Variants in LRIG1 observed in about 807,000 individuals in gnomAD.
LRIG1 encodes leucine-rich repeats and immunoglobulin-like domains protein 1.
In LRIG1, 48 loss-of-function variants were observed where a neutral mutation model predicts 99.2. The observed-to-expected ratio is 0.48, with a 90% CI of 0.38 to 0.62. The LOEUF (loss-of-function observed/expected upper bound fraction) is 0.62, where lower values mean the gene tolerates loss of function less well. Among genes scored for constraint, LRIG1 ranks in the 20% least tolerant of loss-of-function variants. The pLI is 0.00. For missense variants in LRIG1, 1,646 were observed against 1,434.4 expected (o/e 1.15, Z -2.38); for synonymous variants, 772 against 596.1 (o/e 1.29, Z -4.30).
chr3:66,410,257 G>A lies in LRIG1; in HGVS notation c.807C>T (p.Asn269=), dbSNP rs1368153513. ...AGCCGCTGTTCACTTCTACCAGGCT[G>A]TTGTACTCCAGGTGCCTGCAATGAC... ...SKMHVLHLEY[N]SLVEVNSGSL... is the part of the protein sequence containing the mutation. Residue 269 remains asparagine, a synonymous_variant, in exon 7 of 19, where the codon AAC becomes AAT. Transcript: ENST00000273261. 1.9e-6 allele frequency: 3 copies of A among 1,609,556 alleles called. No homozygotes were observed. Among genetic ancestry groups the A allele is most frequent in the Admixed American group, 1.7e-5 (1 of 59,274 alleles).
chr3:66,406,298 C>G (rs1702267009), intron 8 of LRIG1: 1 of 985,446 alleles, frequency 1.0e-6, no homozygotes, highest in Non-Finnish European at 1.2e-6. Context: ...GAACCAGGGA[C>G]CCGGGGCTGT....
intron 1 of LRIG1, among the ~76,000 whole-genome samples, chr3:66,490,709 T>C (rs1701083061): frequency 6.6e-6 from 1 of 152,120 alleles, no homozygotes; most frequent in Middle Eastern, 3.2e-3. Context: ...CTGTAAATGG[T>C]GTATAATCGG....
intron 6 of LRIG1, among the ~76,000 whole-genome samples, chr3:66,412,535 C>A (rs569385232): frequency 6.6e-6 from 1 of 152,210 alleles, no homozygotes; most frequent in African/African-American, 2.4e-5. Context: ...AGGTTTGGCC[C>A]GGTCCCCAAG....
chr3:66,394,613 T>C (rs1017435386), intron 11 of LRIG1, among the ~76,000 whole-genome samples: 3 of 152,136 alleles, frequency 2.0e-5, no homozygotes, highest in Non-Finnish European at 4.4e-5. Context: ...AACAGTGCTA[T>C]GCTGCCACCA....
chr3:66,497,016 C>T (rs1416527327), intron 1 of LRIG1, among the ~76,000 whole-genome samples: 1 of 152,216 alleles, frequency 6.6e-6, no homozygotes, highest in African/African-American at 2.4e-5. Flanking sequence ...GCTAACTGAT[C>T]TGGTATTGCA....
At chr3:66,460,505 T>C (rs537426439) in intron 2 of LRIG1, among the ~76,000 whole-genome samples, 2 of 152,190 alleles carry the variant, frequency 1.3e-5, no homozygotes, top group South Asian at 2.1e-4. Context: ...TGGGCCCTGA[T>C]CCAATATGAC....
intron 3 of LRIG1, among the ~76,000 whole-genome samples, chr3:66,444,746 G>A (rs1248309842): frequency 8.5e-5 from 13 of 152,168 alleles, no homozygotes. Context: ...CATCTCCCAA[G>A]GGAAAGGGCA....
At chr3:66,384,358 T>C in intron 13 of LRIG1, 86 bp from the exon 14 acceptor site, 1 of 1,385,610 alleles carries the variant, frequency 7.2e-7, no homozygotes, top group South Asian at 1.3e-5. Flanking sequence ...TACCTGTCAC[T>C]GTGCCCAGTG....
At chr3:66,437,966 T>C (rs1288526618) in intron 3 of LRIG1, among the ~76,000 whole-genome samples, 2 of 152,134 alleles carry the variant, frequency 1.3e-5, no homozygotes, top group African/African-American at 4.8e-5. Flanking sequence ...GGGCCAACTC[T>C]GAAAGAGCTG....
intron 3 of LRIG1, among the ~76,000 whole-genome samples, chr3:66,428,055 T>C (rs1429852106): frequency 3.9e-5 from 6 of 152,238 alleles, no homozygotes; most frequent in African/African-American, 2.4e-5. Context: ...CATTGAGTTA[T>C]TTCCAATTCA....
chr3:66,390,504 T>C (rs1701577224), intron 12 of LRIG1, among the ~76,000 whole-genome samples: 2 of 152,212 alleles, frequency 1.3e-5, no homozygotes, highest in African/African-American at 2.4e-5. Context: ...TCTTCATGGA[T>C]TGGGAAGACT....
chr3:66,381,625 C>G lies in LRIG1; in HGVS notation c.2624G>C (p.Cys875Ser), dbSNP rs760629030. The G allele has an allele frequency of 5.0e-6, 8 of 1,613,338 alleles. No individual in the cohort carries two copies. Among genetic ancestry groups the G allele is most frequent in the Non-Finnish European group, 6.8e-6 (8 of 1,179,324 alleles). The change falls in exon 17 of 19, where the codon TGT (cysteine) becomes TCT (serine). Residue 875 changes from cysteine (C) to serine (S), a missense_variant. Cys to Ser is a moderately radical substitution (Grantham distance 112, BLOSUM62 -1). Transcript: ENST00000273261. ...TGGAAAGTGGCTTGCATCTCTTGGA[C>G]ACACACCTGCAAGTGGATTCCAACA... ...ANGHIESNGV[C>S]PRDASHFPEP...
intron 2 of LRIG1, among the ~76,000 whole-genome samples, chr3:66,454,855 G>C (rs960269314): frequency 6.6e-6 from 1 of 152,168 alleles, no homozygotes. Context: ...TACAAAATGT[G>C]ATAAAGGCTA....
At chr3:66,450,364 C>T (rs1703863793) in intron 3 of LRIG1, among the ~76,000 whole-genome samples, 1 of 152,174 alleles carries the variant, frequency 6.6e-6, no homozygotes, top group African/African-American at 2.4e-5. Context: ...ATACATTCCA[C>T]TCCCCCGGGC....
intron 3 of LRIG1, among the ~76,000 whole-genome samples, chr3:66,424,848 A>G (rs1329215680): frequency 6.6e-6 from 1 of 152,238 alleles, no homozygotes; most frequent in Non-Finnish European, 1.5e-5. Flanking sequence ...TCAATAAATT[A>G]TAGGAGATAT....
At chr3:66,381,064 C>G (rs1021163862) in intron 17 of LRIG1, 4 of 608,402 alleles carry the variant, frequency 6.6e-6, no homozygotes, top group Non-Finnish European at 1.2e-5. Flanking sequence ...TGGGGTCTTT[C>G]GTGTTTACAG....
chr3:66,425,529 G>A (rs1401762352), intron 3 of LRIG1, among the ~76,000 whole-genome samples: 1 of 145,134 alleles, frequency 6.9e-6, no homozygotes, highest in Non-Finnish European at 1.6e-5. Context: ...TATCTTTATT[G>A]TTAGGGAAGG....
Position 66,382,335 on chromosome 3 carries a change from C to G in LRIG1, c.2555G>C (p.Arg852Pro), listed in dbSNP as rs148076317. 11 of 1,614,172 alleles carry G rather than the reference C, an allele frequency of 6.8e-6. No homozygotes were observed. The highest frequency in any genetic ancestry group is 6.7e-5 in the Admixed American group (4 of 60,034). Residue 852 changes from arginine to proline, a missense_variant, in exon 16 of 19, where the codon CGA (arginine) becomes CCA (proline). By Grantham distance (103) the Arg-to-Pro change is moderately radical. Transcript: ENST00000273261. ...CTCGGTCCTGACCACGGTTTCTTGT[C>G]GGTCAGAAAGGGTCCCCTGAGAAGA... ...YLSSQGTLSD[R>P]QETVVRTEGG... is the part of the protein sequence containing the mutation.
In LRIG1 at chr3:66,500,236, C is replaced by T. The variant is rs1480991279; in HGVS notation, c.172G>A (p.Gly58Arg). ...AGDSLDCGGR[G>R]LAALPGDLPS... ...AGGTCCCCGGGCAACGCAGCCAGCC[C>T]GCGCCCACCGCAGTCCAGCGAGTCC... Residue 58 changes from glycine to arginine, a missense_variant, in exon 1 of 19, where the codon GGG (glycine) becomes AGG (arginine). Gly to Arg is a moderately radical substitution (Grantham distance 125, BLOSUM62 -2). Transcript: ENST00000273261. The T allele has an allele frequency of 2.0e-6, 3 of 1,510,576 alleles. No individual in the cohort carries two copies. Among genetic ancestry groups the T allele is most frequent in the East Asian group, 5.4e-5 (2 of 37,164 alleles). 93.6% of individuals were successfully genotyped at this position (1,510,576 alleles called of 1,614,324 possible). A position where few individuals can be genotyped will look rare whatever the true frequency, so the allele number is the denominator to read the frequency against.
Sources: gnomAD v4.1 joint callset for allele counts (sites outside exome capture counted in the v4.1 genomes callset) on GRCh38, gnomAD v4.1.1 for gene constraint, MANE v1.5 for transcripts, NCBI Gene and HGNC (gene_info 2026-07-23, HGNC 2026-07-21) for gene names.